PIK3C2B: variants seen among roughly 807,000 people sequenced by gnomAD.
The protein encoded by PIK3C2B is phosphatidylinositol 4-phosphate 3-kinase C2 domain-containing subunit beta.
PIK3C2B carries 83 observed loss-of-function variants against 184.3 expected under a neutral mutation model. The ratio of observed to expected loss-of-function variants is 0.45; its 90% CI spans 0.38 to 0.54. The LOEUF is 0.54. PIK3C2B is among the 20% of genes least tolerant of loss of function. The pLI is 0.00. For synonymous variants in PIK3C2B, 779 were observed against 837.6 expected (o/e 0.93, Z 1.21); for missense variants, 1,736 against 2,113.5 (o/e 0.82, Z 3.50).
At position 204,464,080 on chromosome 1, in the gene PIK3C2B, A is replaced by G. The variant is rs765297442; in HGVS notation, c.1242T>C (p.Asp414=). The G allele has an allele frequency of 1.9e-6, 3 of 1,614,118 alleles. No homozygotes were observed. Among genetic ancestry groups the G allele is most frequent in the South Asian group, 2.2e-5 (2 of 91,084 alleles). The change falls in exon 5 of 33, where the codon GAT becomes GAC. Residue 414 remains aspartate, a synonymous_variant. Coordinates refer to ENST00000684373, the MANE Select transcript of PIK3C2B (RefSeq NM_001377334.1). ...CACCCACGTCCACATTCCTCAGGTC[A>G]TCATGGGTGTAGCACAGGGTCTGGT... The part of the protein sequence containing the change: ...LIYQTLCYTH[D]DLRNVDVGDF...
At chr1:204,468,786 T>C (rs549487176) in intron 2 of PIK3C2B, 84 bp downstream of exon 2, 70 of 1,229,216 alleles carry the variant, frequency 5.7e-5, no homozygotes, top group Non-Finnish European at 7.0e-5. Flanking sequence ...CTTGGCAGAG[T>C]TGGATGTAGA....
intron 1 of PIK3C2B, among the ~76,000 whole-genome samples, chr1:204,478,520 T>C (rs1656887555): frequency 1.3e-5 from 2 of 152,248 alleles, no homozygotes; most frequent in African/African-American, 2.4e-5. Flanking sequence ...GCTTTTTTGA[T>C]GGCAGGTCTA....
At chr1:204,481,771 C>T (rs1025913109) in intron 1 of PIK3C2B, among the ~76,000 whole-genome samples, 1 of 152,124 alleles carries the variant, frequency 6.6e-6, no homozygotes, top group Non-Finnish European at 1.5e-5. Context: ...CTCCCAAATG[C>T]CCCCAGGCCT....
chr1:204,430,748 T>G (rs375115640), intron 28 of PIK3C2B, among the ~76,000 whole-genome samples: 13 of 149,624 alleles, frequency 8.7e-5, no homozygotes, highest in African/African-American at 3.2e-4. Flanking sequence ...AACCTCTGCC[T>G]CCCGGGTTCA....
chr1:204,434,786 C>A (rs1675253822), intron 23 of PIK3C2B, among the ~76,000 whole-genome samples, 178 bp from the exon 24 acceptor site: 1 of 152,200 alleles, frequency 6.6e-6, no homozygotes, highest in South Asian at 2.1e-4. Context: ...CACTTACACA[C>A]ACAGAAACAT....
At chr1:204,446,576 C>A (rs1653890392) in intron 15 of PIK3C2B, among the ~76,000 whole-genome samples, 2 of 152,196 alleles carry the variant, frequency 1.3e-5, no homozygotes, top group Non-Finnish European at 2.9e-5. Context: ...GGCAGTGGTC[C>A]CCCAACACCA....
intron 11 of PIK3C2B, 141 bp downstream of exon 11, chr1:204,455,715 C>G: frequency 1.5e-6 from 1 of 689,346 alleles, no homozygotes; most frequent in Admixed American, 3.1e-5. Flanking sequence ...GGCTCACCCC[C>G]GCAGCCCCAT....
chr1:204,431,789 T>C lies in PIK3C2B; in HGVS notation c.4160A>G (p.Tyr1387Cys). 1 of 1,614,160 alleles carries C rather than the reference T, an allele frequency of 6.2e-7. No homozygotes were observed. The highest frequency in any genetic ancestry group is 8.5e-7 in the Non-Finnish European group (1 of 1,180,024). ...KIFHPNKGYIYVVKVMRENTH... is the reference protein window; with the variant it reads ...KIFHPNKGYICVVKVMRENTH... The stretch of plus-strand genomic sequence containing the variant: ...GTTCTCTCGCATCACCTTTACCACA[T>C]ATATCTGCAAAGGTCCAGATCTTAG... Residue 1387 changes from tyrosine (Y) to cysteine (C), a missense_variant, in exon 28 of 33, where the codon TAT becomes TGT. Tyr to Cys is a radical substitution (Grantham distance 194). This residue lies in a region of PIK3C2B where 200 missense variants were observed against 199.1 expected (regional missense o/e 1.00). Transcript: ENST00000684373.
At chr1:204,481,787 C>T (rs1169538215) in intron 1 of PIK3C2B, among the ~76,000 whole-genome samples, 2 of 152,174 alleles carry the variant, frequency 1.3e-5, no homozygotes, top group Non-Finnish European at 2.9e-5. Flanking sequence ...GGCCTTCTGG[C>T]AGGCCCCCCA....
At chr1:204,477,802 G>C (rs1656831935) in intron 1 of PIK3C2B, among the ~76,000 whole-genome samples, 1 of 152,192 alleles carries the variant, frequency 6.6e-6, no homozygotes, top group Non-Finnish European at 1.5e-5. Context: ...TTGAGTACCA[G>C]CTACATGCCA....
Position 204,441,536 on chromosome 1 carries a change from C to G in PIK3C2B, c.3184G>C (p.Val1062Leu). ...TTTTGGAAGGAGAGTTTGAGGGGGA[C>G]AGCATTGGAGTTGAAGTAGGAACAG... ...RDCSYFNSNAVPLKLSFQNVD... is the reference protein window; with the variant it reads ...RDCSYFNSNALPLKLSFQNVD... Residue 1062 changes from valine (V) to leucine (L), a missense_variant, in exon 21 of 33, where the codon GTC becomes CTC. By Grantham distance (32) the Val-to-Leu change is conservative. This residue lies in a region of PIK3C2B where 289 missense variants were observed against 380.4 expected (regional missense o/e 0.76). Coordinates refer to ENST00000684373, the MANE Select transcript of PIK3C2B (RefSeq NM_001377334.1). The G allele has an allele frequency of 6.2e-7, 1 of 1,612,980 alleles. No homozygotes were observed. Among genetic ancestry groups the G allele is most frequent in the Admixed American group, 1.7e-5 (1 of 60,000 alleles).
intron 3 of PIK3C2B, among the ~76,000 whole-genome samples, 174 bp from the exon 4 acceptor site, chr1:204,464,778 C>T (rs1371990312): frequency 6.6e-6 from 1 of 152,142 alleles, no homozygotes. Context: ...TGAGAAACCC[C>T]CTTCTTGACA....
Position 204,445,601 on chromosome 1 carries a change from C to CAA in PIK3C2B, c.2678+353_2678+354dup, listed in dbSNP as rs11287807. Among the ~76,000 whole-genome samples, 263 of 121,384 alleles carry CAA rather than the reference C, an allele frequency of 2.2e-3. 4 individuals carry two copies. Among genetic ancestry groups the CAA allele is most frequent in the Middle Eastern group, 8.1e-3 (2 of 246 alleles). The allele number at this position is 121,384 out of a possible 152,430, so 79.6% of individuals were successfully genotyped here. ...TGGGTGACAGAGCAAGACCCTGTCTCAAAAAAAAAAAAAAAAGCATAAAAA... is the reference window on the plus strand; with the variant it reads ...TGGGTGACAGAGCAAGACCCTGTCTCAAAAAAAAAAAAAAAAAAGCATAAAAA... On this transcript the variant is annotated intron_variant, in intron 16 of 32. Coordinates refer to ENST00000684373, the MANE Select transcript of PIK3C2B (RefSeq NM_001377334.1).
chr1:204,426,152 C>T (rs1674729141), intron 31 of PIK3C2B, among the ~76,000 whole-genome samples: 1 of 152,218 alleles, frequency 6.6e-6, no homozygotes, highest in African/African-American at 2.4e-5. Flanking sequence ...TCAAGGGCAG[C>T]CAACTAGTGA....
At position 204,447,420 on chromosome 1, in the gene PIK3C2B, G is replaced by A. The variant is rs1288910856; in HGVS notation, c.2489+16C>T. On this transcript the variant is annotated intron_variant, in intron 15 of 32. Transcript: ENST00000684373. The surrounding 1 kb of genome is among the most constrained non-coding windows in gnomAD (Gnocchi z 4.1). ...CAGATGAAACATGACAGATTCAGTG[G>A]GGGCCCGGGTCTCACCAGTACAAGG... is the stretch of plus-strand genomic sequence containing the variant. 1 of 1,607,910 alleles carries A rather than the reference G, an allele frequency of 6.2e-7. No homozygotes were observed. Among genetic ancestry groups the A allele is most frequent in the Non-Finnish European group, 8.5e-7 (1 of 1,175,318 alleles).
rs374372054 is a variant in PIK3C2B at position 204,457,710 on chromosome 1, C to G, written c.1713+18G>C. 10 of 1,584,958 alleles carry G rather than the reference C, an allele frequency of 6.3e-6. No individual in the cohort carries two copies. Among genetic ancestry groups the G allele is most frequent in the Non-Finnish European group, 8.6e-6 (10 of 1,167,636 alleles). ...TCCCTCTCTTCCTTTCCCCTGCTAG[C>G]ACCCTGGGCCCCTTTACCTTCTGAA... On this transcript the variant is annotated intron_variant, in intron 9 of 32. Transcript: ENST00000684373.
At chr1:204,482,945 T>C (rs575837017) in intron 1 of PIK3C2B, among the ~76,000 whole-genome samples, 4 of 152,190 alleles carry the variant, frequency 2.6e-5, no homozygotes, top group South Asian at 4.2e-4. Flanking sequence ...CCCCTAGACA[T>C]GTTGCAGCCG....
rs903396991 is a variant in PIK3C2B, at chr1:204,438,809, G to A, written c.3516+126C>T. 5.9e-6 allele frequency: 6 copies of A among 1,010,066 alleles called. No individual in the cohort carries two copies. In the South Asian group the frequency reaches 9.7e-5, roughly 16 times the overall value. The allele number at this position is 1,010,066 out of a possible 1,614,324, so 62.6% of individuals were successfully genotyped here. A position where few individuals can be genotyped will look rare whatever the true frequency, so the allele number is the denominator to read the frequency against. On this transcript the variant is annotated intron_variant, in intron 23 of 32. Transcript: ENST00000684373. ...GGAGGCACCAGTCAACCAAGAAAGG[G>A]TAGGTCCTTCTGCCAACAAAGCTGA...
chr1:204,474,423 CCCA>C (rs1408173558), intron 1 of PIK3C2B, among the ~76,000 whole-genome samples: 1 of 152,162 alleles, frequency 6.6e-6, no homozygotes, highest in Non-Finnish European at 1.5e-5. Context: ...GTGTCTGCCC[CCCA>C]CATCCCACTA....
Sources: gnomAD v4.1 joint callset for allele counts (sites outside exome capture counted in the v4.1 genomes callset) on GRCh38, gnomAD v4.1.1 for gene constraint, gnomAD v4.1.1 regional missense constraint, Gnocchi (gnomAD v3.1) non-coding constraint, MANE v1.5 for transcripts, NCBI Gene and HGNC (gene_info 2026-07-23, HGNC 2026-07-21) for gene names.